The following TMEM131 variants were observed in gnomAD, a reference collection of about 807,000 sequenced individuals.
TMEM131 encodes the protein 2610524E03Rik.
Under a neutral mutation model 211.6 loss-of-function variants are expected in TMEM131, and 66 were observed. That is an observed-to-expected ratio of 0.31 (90% CI 0.26 to 0.38). The LOEUF (loss-of-function observed/expected upper bound fraction) is 0.38, where lower values mean the gene tolerates loss of function less well. Among genes scored for constraint, TMEM131 ranks in the 10% least tolerant of loss-of-function variants. The pLI is 1.00. For synonymous variants in TMEM131, 844 were observed against 841.3 expected (o/e 1.00, Z -0.06); for missense variants, 2,036 against 2,299.3 (o/e 0.89, Z 2.34).
intron 31 of TMEM131, among the ~76,000 whole-genome samples, chr2:97,785,695 T>A (rs191832581): frequency 2.7e-4 from 41 of 152,340 alleles, no homozygotes; most frequent in African/African-American, 9.9e-4. Context: ...AAGTTCTGTG[T>A]TCATACAAAA....
chr2:97,955,349 A>T (rs892496078), intron 1 of TMEM131, among the ~76,000 whole-genome samples: 6 of 152,208 alleles, frequency 3.9e-5, no homozygotes, highest in Admixed American at 3.3e-4. Flanking sequence ...CATCTGCAAA[A>T]ATCTATACCT....
At chr2:97,819,436 T>C (rs748344651) in intron 11 of TMEM131, among the ~76,000 whole-genome samples, 2 of 152,188 alleles carry the variant, frequency 1.3e-5, no homozygotes, top group Non-Finnish European at 2.9e-5. Flanking sequence ...GCCCTTTCAA[T>C]TGGAAGGGAC....
intron 1 of TMEM131, among the ~76,000 whole-genome samples, chr2:97,942,203 T>C (rs964543032): frequency 1.3e-5 from 2 of 151,480 alleles, no homozygotes; most frequent in African/African-American, 4.9e-5. Flanking sequence ...GAAACCATCG[T>C]TCTGAGCAAA....
chr2:97,785,684 GA>G (rs1480698005), intron 31 of TMEM131, among the ~76,000 whole-genome samples: 4 of 152,206 alleles, frequency 2.6e-5, no homozygotes, highest in African/African-American at 9.7e-5. Context: ...CTAGAGAAAT[GA>G]AGTTCTGTGT....
Position 97,888,089 on chromosome 2 carries a change from T to C in TMEM131, c.322A>G (p.Ile108Val), listed in dbSNP as rs1482545264. ...TCCAGCATTGGTGGCTCAAATCGTA[T>C]GGGCCTGCAATTCCCCCGGTAGAGA... ...ISLYRGNCRP[I>V]RFEPPMLDFH... Residue 108 changes from isoleucine to valine, a missense_variant, in exon 4 of 41, where the codon ATA becomes GTA. Around this residue, in one of 3 missense-constraint regions of TMEM131, gnomAD observed 277 missense variants for 378.0 expected, o/e 0.73. Transcript: ENST00000186436. The C allele has an allele frequency of 6.2e-7, 1 of 1,613,736 alleles. No homozygotes were observed. Among genetic ancestry groups the C allele is most frequent in the Non-Finnish European group, 8.5e-7 (1 of 1,179,734 alleles).
At chr2:97,856,363 C>G (rs1673846907) in intron 5 of TMEM131, among the ~76,000 whole-genome samples, 2 of 152,066 alleles carry the variant, frequency 1.3e-5, no homozygotes, top group South Asian at 4.1e-4. Context: ...CAACCATACC[C>G]CGTACCTCTC....
intron 7 of TMEM131, among the ~76,000 whole-genome samples, chr2:97,840,658 A>G (rs971002932): frequency 1.3e-5 from 2 of 152,196 alleles, no homozygotes; most frequent in African/African-American, 4.8e-5. Context: ...TAACAGCCAG[A>G]ACAGGGAAAC....
intron 13 of TMEM131, 91 bp downstream of exon 13, chr2:97,815,108 C>T (rs1418095048): frequency 3.3e-6 from 2 of 611,606 alleles, no homozygotes; most frequent in Non-Finnish European, 2.6e-6. Flanking sequence ...TTTATGTGAA[C>T]GTGGCTAGTA....
intron 11 of TMEM131, among the ~76,000 whole-genome samples, chr2:97,824,430 T>A (rs188998875): frequency 6.6e-6 from 1 of 152,222 alleles, no homozygotes; most frequent in Admixed American, 6.5e-5. Context: ...CAAGGTCCAT[T>A]ACCATCCGAG....
In TMEM131 at chr2:97,834,689, GAA is replaced by G. The variant is rs1239777378; in HGVS notation, c.956-14_956-13del. 1.9e-6 allele frequency: 3 copies of G among 1,596,866 alleles called. No homozygotes were observed. Among genetic ancestry groups the G allele is most frequent in the African/African-American group, 2.7e-5 (2 of 73,770 alleles). On this transcript the variant is annotated splice_polypyrimidine_tract_variant and intron_variant, in intron 9 of 40. Coordinates refer to ENST00000186436, the MANE Select transcript of TMEM131 (RefSeq NM_015348.2). ...ATAAATTCCAGGAGCTTGGAAAAAA[GAA>G]AAGTCAACAATTATTTTTCACTTTG...
chr2:97,891,897 T>C lies in TMEM131; in HGVS notation c.291-3777A>G, dbSNP rs1475028591. 3.3e-5 allele frequency among the ~76,000 whole-genome samples: 5 copies of C among 152,090 alleles called. No homozygotes were observed. In the South Asian group the frequency reaches 6.2e-4, roughly 19 times the overall value. On this transcript the variant is annotated intron_variant, in intron 3 of 40. Coordinates refer to ENST00000186436, the MANE Select transcript of TMEM131 (RefSeq NM_015348.2). ...CTGCATTTTTAAGCACCCTCACATT[T>C]AGGAGCCACTATTTTGCATCTTGAT...
chr2:97,841,068 G>A (rs555853050), intron 7 of TMEM131, among the ~76,000 whole-genome samples: 1 of 152,174 alleles, frequency 6.6e-6, no homozygotes, highest in African/African-American at 2.4e-5. Context: ...TTTAAGTCCT[G>A]CAGTGTTGGT....
intron 1 of TMEM131, among the ~76,000 whole-genome samples, chr2:97,953,686 C>G (rs1243738249): frequency 6.6e-6 from 1 of 152,132 alleles, no homozygotes; most frequent in African/African-American, 2.4e-5. Context: ...CAGAACACTC[C>G]ACCCTACAAC....
At chr2:97,889,073 A>G (rs535880978) in intron 3 of TMEM131, among the ~76,000 whole-genome samples, 1 of 152,342 alleles carries the variant, frequency 6.6e-6, no homozygotes, top group South Asian at 2.1e-4. Flanking sequence ...AAGGACATTC[A>G]TAATATGGAG....
intron 25 of TMEM131, 107 bp downstream of exon 25, chr2:97,801,788 C>G: frequency 1.3e-6 from 1 of 763,336 alleles, no homozygotes; most frequent in South Asian, 2.4e-5. Flanking sequence ...TCTTCAGTAA[C>G]TTACCCTTCA....
chr2:97,900,736 T>C (rs1675819818), intron 3 of TMEM131, among the ~76,000 whole-genome samples: 1 of 152,178 alleles, frequency 6.6e-6, no homozygotes. Context: ...TACCTAGTTA[T>C]GAATTTGCTG....
intron 32 of TMEM131, among the ~76,000 whole-genome samples, chr2:97,774,087 G>C (rs544902080): frequency 8.5e-5 from 13 of 152,356 alleles, no homozygotes; most frequent in African/African-American, 2.9e-4. Context: ...CACACCAGGT[G>C]AATCTATTTA....
At chr2:97,836,842 C>T (rs1682963561) in intron 8 of TMEM131, among the ~76,000 whole-genome samples, 1 of 152,098 alleles carries the variant, frequency 6.6e-6, no homozygotes, top group South Asian at 2.1e-4. Flanking sequence ...ACTTTCTTTC[C>T]ATGTAGTGGG....
At chr2:97,866,166 C>T (rs541372596) in intron 4 of TMEM131, among the ~76,000 whole-genome samples, 4 of 152,212 alleles carry the variant, frequency 2.6e-5, no homozygotes, top group Admixed American at 2.6e-4. Flanking sequence ...CAGGCGTGAG[C>T]CGCCGTGCCC....
Sources: gnomAD v4.1 joint callset for allele counts (sites outside exome capture counted in the v4.1 genomes callset) on GRCh38, gnomAD v4.1.1 for gene constraint, gnomAD v4.1.1 regional missense constraint, MANE v1.5 for transcripts, NCBI Gene and HGNC (gene_info 2026-07-23, HGNC 2026-07-21) for gene names.